ARMC10: variants seen among roughly 807,000 people sequenced by gnomAD.
ARMC10 encodes the protein armadillo repeat-containing protein 10.
Under a neutral mutation model 30.2 loss-of-function variants are expected in ARMC10, and 23 were observed. The observed-to-expected ratio is 0.76, with a 90% CI of 0.55 to 1.08. ARMC10 has a LOEUF of 1.08. ARMC10 is among the 50% of genes least tolerant of loss of function. The probability of loss-of-function intolerance (pLI) is 0.00; values close to 1 mark genes in which losing one functional copy is unlikely to be tolerated. For missense variants in ARMC10, 303 were observed against 413.7 expected, an observed-to-expected ratio of 0.73 and a Z score of 2.32; for synonymous variants, 111 against 164.4, an observed-to-expected ratio of 0.68 and a Z score of 2.48.
chr7:103,098,143 G>A (rs10808124), intron 6 of ARMC10, among the ~76,000 whole-genome samples, 156 bp from the exon 7 acceptor site: 136,435 of 152,000 alleles, frequency 0.9, 63,047 homozygotes, highest in East Asian at 1. Flanking sequence ...TGGGTTTTCT[G>A]TGACAAAATT....
intron 5 of ARMC10, among the ~76,000 whole-genome samples, chr7:103,093,493 T>C (rs1024772766): frequency 6.6e-6 from 1 of 152,214 alleles, no homozygotes; most frequent in African/African-American, 2.4e-5. Flanking sequence ...ACTTTCCTCT[T>C]TTCCAATAGC....
chr7:103,083,122 C>T, intron 2 of ARMC10: 1 of 456,698 alleles, frequency 2.2e-6, no homozygotes, highest in Admixed American at 2.3e-5. Context: ...AAAATGTTAT[C>T]AGCATTTGAG....
rs780024423 is a variant in ARMC10 at position 103,092,526 on chromosome 7, C to T, written c.578C>T (p.Ser193Phe). The change falls in exon 5 of 7, where the codon TCT becomes TTT. Residue 193 changes from serine (S) to phenylalanine (F), a missense_variant. Ser to Phe is a radical substitution (Grantham distance 155, BLOSUM62 -2). Around this residue, in one of 4 missense-constraint regions of ARMC10, gnomAD observed 170 missense variants for 207.2 expected, o/e 0.82. Coordinates refer to ENST00000323716, the MANE Select transcript of ARMC10 (RefSeq NM_031905.5). ...GATGTCTTCTCTGGTCCTCTGAACT[C>T]TGCTGTGCAGCTGGCTGGACTGACA... is the stretch of plus-strand genomic sequence containing the variant. ...CEDVFSGPLN[S>F]AVQLAGLTLL... is the part of the protein sequence containing the mutation. 7 of 1,608,670 alleles carry T rather than the reference C, an allele frequency of 4.4e-6. No homozygotes were observed. Among genetic ancestry groups the T allele is most frequent in the Non-Finnish European group, 5.1e-6 (6 of 1,175,598 alleles).
intron 5 of ARMC10, among the ~76,000 whole-genome samples, chr7:103,093,872 A>T (rs920696814): frequency 6.6e-6 from 1 of 152,188 alleles, no homozygotes; most frequent in Non-Finnish European, 1.5e-5. Context: ...TGACTTTTTA[A>T]AAGATGACCC....
intron 6 of ARMC10, 97 bp downstream of exon 6, chr7:103,097,445 A>G: frequency 2.2e-6 from 2 of 920,632 alleles, no homozygotes. Context: ...GTTAACAGGG[A>G]TTCTCTCTGA....
intron 6 of ARMC10, 33 bp downstream of exon 6, chr7:103,097,381 A>T (rs1029659045): frequency 1.3e-5 from 18 of 1,393,676 alleles, no homozygotes; most frequent in Non-Finnish European, 1.7e-5. Context: ...TTGTAAATAT[A>T]CACATATATA....
chr7:103,083,526 T>C (rs1374799270), intron 2 of ARMC10, among the ~76,000 whole-genome samples, 156 bp from the exon 3 acceptor site: 1 of 152,168 alleles, frequency 6.6e-6, no homozygotes, highest in African/African-American at 2.4e-5. Flanking sequence ...CTTGGGAGGC[T>C]GAGGCAGGAA....
At chr7:103,076,071 A>G (rs993890029) in intron 2 of ARMC10, among the ~76,000 whole-genome samples, 190 bp downstream of exon 2, 1 of 152,224 alleles carries the variant, frequency 6.6e-6, no homozygotes, top group Non-Finnish European at 1.5e-5. Flanking sequence ...ACTCCTGTCC[A>G]CAATTGTAGA....
intron 2 of ARMC10, 115 bp downstream of exon 2, chr7:103,075,996 GCATGTTTCA>G: frequency 1.5e-6 from 1 of 658,466 alleles, no homozygotes; most frequent in Middle Eastern, 2.6e-4. Context: ...CCCTCCAAAG[GCATGTTTCA>G]CATCATGGAA....
At position 103,075,342 on chromosome 7, in the gene ARMC10, A is replaced by G; in HGVS notation, c.70A>G (p.Ile24Val). Residue 24 changes from isoleucine to valine, a missense_variant, in exon 1 of 7, where the codon ATT becomes GTT. Around this residue, in one of 4 missense-constraint regions of ARMC10, gnomAD observed 96 missense variants for 84.2 expected, o/e 1.14. Transcript: ENST00000323716. Reference protein sequence around the residue: ...LLLGAGACYCIYRLTRGRRRG... With the variant: ...LLLGAGACYCVYRLTRGRRRG... The stretch of plus-strand genomic sequence containing the variant: ...GCTCGGCGCGGGCGCCTGCTACTGC[A>G]TTTACAGGCTGACCCGGGGTCGGCG... The G allele has an allele frequency of 1.6e-6, 2 of 1,261,828 alleles. No individual in the cohort carries two copies. Among genetic ancestry groups the G allele is most frequent in the Non-Finnish European group, 2.0e-6 (2 of 1,002,926 alleles). 78.2% of individuals were successfully genotyped at this position (1,261,828 alleles called of 1,614,324 possible).
At chr7:103,081,690 A>C (rs1206709713) in intron 2 of ARMC10, among the ~76,000 whole-genome samples, 3 of 112,654 alleles carry the variant, frequency 2.7e-5, no homozygotes, top group Non-Finnish European at 5.9e-5. Flanking sequence ...GCTTTTTAAA[A>C]ATGACTTCAT....
intron 2 of ARMC10, among the ~76,000 whole-genome samples, chr7:103,076,936 TCGGTGCAG>T: frequency 6.6e-6 from 1 of 152,314 alleles, no homozygotes; most frequent in Non-Finnish European, 1.5e-5. Flanking sequence ...TCACCCAGGC[TCGGTGCAG>T]TGGCGCAATC....
chr7:103,096,279 T>C (rs1801752602), intron 5 of ARMC10: 1 of 152,126 alleles, frequency 6.6e-6, no homozygotes, highest in Non-Finnish European at 1.5e-5. Flanking sequence ...AGTGAGAGGA[T>C]TGCTTGAGGC....
At chr7:103,085,771 C>T (rs776226706) in intron 3 of ARMC10, among the ~76,000 whole-genome samples, 3 of 152,084 alleles carry the variant, frequency 2.0e-5, no homozygotes, top group Admixed American at 2.0e-4. Flanking sequence ...CTGGCCACCA[C>T]GCCTGGCTAA....
chr7:103,095,343 C>T (rs1801673435), intron 5 of ARMC10, among the ~76,000 whole-genome samples: 1 of 152,246 alleles, frequency 6.6e-6, no homozygotes, highest in Admixed American at 6.5e-5. Flanking sequence ...ATCTGCCCAC[C>T]TTGGCCTCCC....
rs1361354169 is a variant in ARMC10 at position 103,084,020 on chromosome 7, G to A, written c.393+190G>A. ...GCCTAATAGTGATATGATTATTAAT[G>A]TGATTATAGATCCCTATGAAGTTGG... On this transcript the variant is annotated intron_variant, in intron 3 of 6. Transcript: ENST00000323716. 1.3e-6 allele frequency: 2 copies of A among 1,508,470 alleles called. 1 individual carries two copies. The highest frequency in any genetic ancestry group is 1.8e-6 in the Non-Finnish European group (2 of 1,129,814). 93.4% of individuals were successfully genotyped at this position (1,508,470 alleles called of 1,614,324 possible).
chr7:103,075,976 T>C lies in ARMC10; in HGVS notation c.244+95T>C, dbSNP rs1585706128. On this transcript the variant is annotated intron_variant, in intron 2 of 6. Coordinates refer to ENST00000323716, the MANE Select transcript of ARMC10 (RefSeq NM_031905.5). Reference sequence around the variant, plus strand: ...CGGTTTCTGTCCAAAAGTTGATCGGTACATTAAAACCCTCCAAAGGCATGT... The same window carrying C: ...CGGTTTCTGTCCAAAAGTTGATCGGCACATTAAAACCCTCCAAAGGCATGT... 4.4e-6 allele frequency: 4 copies of C among 903,268 alleles called. No homozygotes were observed. The East Asian group carries it at 1.2e-4, about 27-fold the overall frequency. The allele number at this position is 903,268 out of a possible 1,614,324, so 56.0% of individuals were successfully genotyped here.
chr7:103,079,738 A>G (rs987279695), intron 2 of ARMC10, among the ~76,000 whole-genome samples: 4 of 152,268 alleles, frequency 2.6e-5, no homozygotes, highest in African/African-American at 9.6e-5. Context: ...TGCAGTAACA[A>G]TTCAAAATTT....
chr7:103,092,701 G>T (rs200390875), intron 5 of ARMC10, 48 bp downstream of exon 5: 3 of 1,356,614 alleles, frequency 2.2e-6, no homozygotes, highest in Non-Finnish European at 3.0e-6. Context: ...AATAGTATTT[G>T]CAGGCCACCT....
Sources: gnomAD v4.1 joint callset for allele counts (sites outside exome capture counted in the v4.1 genomes callset) on GRCh38, gnomAD v4.1.1 for gene constraint, gnomAD v4.1.1 regional missense constraint, MANE v1.5 for transcripts, NCBI Gene and HGNC (gene_info 2026-07-23, HGNC 2026-07-21) for gene names.